DPP6: variants seen among roughly 807,000 people sequenced by gnomAD.
DPP6 encodes A-type potassium channel modulatory protein DPP6.
DPP6 carries 69 observed loss-of-function variants against 122.6 expected under a neutral mutation model. The ratio of observed to expected loss-of-function variants is 0.56; its 90% CI spans 0.46 to 0.69. The LOEUF (loss-of-function observed/expected upper bound fraction) is 0.69. Ranked by LOEUF, DPP6 falls within the 30% of genes least tolerant of loss-of-function variation. The pLI is 0.00. For synonymous variants in DPP6, 418 were observed against 433.1 expected (o/e 0.97, Z 0.43); for missense variants, 928 against 1,116.9 (o/e 0.83, Z 2.41).
At chr7:154,398,686 AG>A (rs1815309244) in intron 1 of DPP6, among the ~76,000 whole-genome samples, 1 of 152,092 alleles carries the variant, frequency 6.6e-6, no homozygotes, top group African/African-American at 2.4e-5. Flanking sequence ...GCAGAAAATG[AG>A]GTGTGCCAGG....
chr7:154,866,751 A>G (rs992818177), intron 17 of DPP6, among the ~76,000 whole-genome samples: 2 of 152,112 alleles, frequency 1.3e-5, no homozygotes, highest in African/African-American at 4.8e-5. Flanking sequence ...TCAATATTCA[A>G]ATGTGTCCAG....
At chr7:154,627,450 G>A (rs369014838) in intron 5 of DPP6, among the ~76,000 whole-genome samples, 7 of 150,596 alleles carry the variant, frequency 4.6e-5, no homozygotes, top group Middle Eastern at 3.5e-3. Flanking sequence ...CACCTGCCTC[G>A]GCCTCCCAAA....
chr7:154,530,326 G>A (rs1025473897), intron 3 of DPP6, among the ~76,000 whole-genome samples: 13 of 151,988 alleles, frequency 8.6e-5, no homozygotes, highest in Non-Finnish European at 1.8e-4. Context: ...TGTGATGAAA[G>A]ACATACCTTG....
chr7:153,829,650 T>G, the DPP6 span, among the ~76,000 whole-genome samples: 1 of 152,182 alleles, frequency 6.6e-6, no homozygotes, highest in South Asian at 2.1e-4. Flanking sequence ...CTTCTGGGCA[T>G]TGAGAATACA....
intron 1 of DPP6, among the ~76,000 whole-genome samples, chr7:153,983,723 G>T (rs1796705426): frequency 6.6e-6 from 1 of 151,944 alleles, no homozygotes; most frequent in Non-Finnish European, 1.5e-5. Flanking sequence ...GAAGACCGTG[G>T]GAAAAGCCTA....
At chr7:153,784,672 T>G in the DPP6 span, among the ~76,000 whole-genome samples, 2 of 152,192 alleles carry the variant, frequency 1.3e-5, no homozygotes, top group African/African-American at 4.8e-5. Flanking sequence ...GAACATTGGA[T>G]TTTTAATGAT....
At chr7:154,240,049 G>A (rs984692200) in intron 1 of DPP6, among the ~76,000 whole-genome samples, 2 of 139,544 alleles carry the variant, frequency 1.4e-5, no homozygotes, top group African/African-American at 2.7e-5. Flanking sequence ...GTGATACAAG[G>A]ATTTTCAGCT....
At chr7:154,547,334 A>G (rs1245075179) in intron 4 of DPP6, among the ~76,000 whole-genome samples, 1 of 152,246 alleles carries the variant, frequency 6.6e-6, no homozygotes, top group Non-Finnish European at 1.5e-5. Context: ...CGTGATGCCC[A>G]CTGAAATGTT....
chr7:154,294,488 T>C (rs2150969205), intron 1 of DPP6, among the ~76,000 whole-genome samples: 1 of 152,358 alleles, frequency 6.6e-6, no homozygotes, highest in East Asian at 1.9e-4. Flanking sequence ...ACAGGGATTG[T>C]ATGAACTGAG....
chr7:154,680,281 AAG>A (rs1839200598), intron 7 of DPP6, among the ~76,000 whole-genome samples: 1 of 152,354 alleles, frequency 6.6e-6, no homozygotes, highest in South Asian at 2.1e-4. Context: ...AATATGCAGA[AAG>A]AGTCATCAAG....
intron 8 of DPP6, among the ~76,000 whole-genome samples, chr7:154,756,487 C>T (rs1201232813): frequency 1.3e-5 from 2 of 152,214 alleles, no homozygotes; most frequent in Non-Finnish European, 2.9e-5. Context: ...TGAGGGCAGC[C>T]TGCTTCTATC....
At chr7:154,579,475 G>T (rs899998910) in intron 5 of DPP6, among the ~76,000 whole-genome samples, 3 of 152,234 alleles carry the variant, frequency 2.0e-5, no homozygotes, top group African/African-American at 7.2e-5. Context: ...TGATTTATTA[G>T]AAATAAGAAT....
the DPP6 span, among the ~76,000 whole-genome samples, chr7:153,857,518 G>A: frequency 1.3e-5 from 2 of 152,162 alleles, no homozygotes; most frequent in Non-Finnish European, 2.9e-5. Flanking sequence ...TCTGGCATGT[G>A]ACTTAGGAAC....
chr7:154,341,349 T>G (rs1010954463), intron 1 of DPP6, among the ~76,000 whole-genome samples: 14 of 151,826 alleles, frequency 9.2e-5, no homozygotes, highest in Non-Finnish European at 1.8e-4. Flanking sequence ...CCTGGAGAGG[T>G]GGTTATGTAG....
At chr7:154,768,517 A>G (rs1410475260) in intron 8 of DPP6, among the ~76,000 whole-genome samples, 1 of 152,238 alleles carries the variant, frequency 6.6e-6, no homozygotes, top group East Asian at 1.9e-4. Flanking sequence ...TACACTATAT[A>G]TAGACCCAGT....
At chr7:154,759,575 C>G (rs553930403) in intron 8 of DPP6, among the ~76,000 whole-genome samples, 2 of 152,360 alleles carry the variant, frequency 1.3e-5, no homozygotes, top group East Asian at 3.9e-4. Flanking sequence ...TTAGCACAGC[C>G]TTTAGCTCTT....
At chr7:154,489,041 C>T (rs116572292) in intron 3 of DPP6, among the ~76,000 whole-genome samples, 2,913 of 152,286 alleles carry the variant, frequency 0.019, 93 homozygotes, top group African/African-American at 0.065. Context: ...GAAGCAACAC[C>T]GATATGAACA....
chr7:154,390,527 T>A (rs1317700738), intron 1 of DPP6, among the ~76,000 whole-genome samples: 1 of 152,212 alleles, frequency 6.6e-6, no homozygotes, highest in African/African-American at 2.4e-5. Context: ...GATCTGCAGA[T>A]GTTTTAAATA....
intron 17 of DPP6, among the ~76,000 whole-genome samples, chr7:154,854,300 G>A (rs1398426416): frequency 1.3e-5 from 2 of 152,190 alleles, no homozygotes; most frequent in Non-Finnish European, 2.9e-5. Flanking sequence ...TTTGTAAAAT[G>A]GTAGGGAAGG....
Sources: allele counts gnomAD v4.1 joint callset (sites outside exome capture counted in the v4.1 genomes callset), GRCh38; gene constraint gnomAD v4.1.1; transcripts MANE v1.5; gene names NCBI Gene and HGNC (gene_info 2026-07-23, HGNC 2026-07-21).